ELF5: variants seen among roughly 807,000 people sequenced by gnomAD.
ELF5 encodes the protein ETS-related transcription factor Elf-5.
A neutral mutation model predicts 38.2 loss-of-function variants in ELF5; 31 were observed. The ratio of observed to expected loss-of-function variants is 0.81; its 90% CI spans 0.61 to 1.10. ELF5 has a LOEUF of 1.10. Ranked by LOEUF, ELF5 falls within the 50% of genes least tolerant of loss-of-function variation. The probability of loss-of-function intolerance (pLI) is 0.00; values close to 1 mark genes in which losing one functional copy is unlikely to be tolerated. For synonymous variants in ELF5, 121 were observed against 112.5 expected (o/e 1.08, Z -0.48); for missense variants, 300 against 306.6 (o/e 0.98, Z 0.16).
intron 2 of ELF5, among the ~76,000 whole-genome samples, chr11:34,505,105 C>T (rs1398813808): frequency 6.6e-6 from 1 of 151,948 alleles, no homozygotes; most frequent in Non-Finnish European, 1.5e-5. Context: ...ACTGTGAGGC[C>T]CAGGGCAAGT....
chr11:34,482,691 T>G (rs1225162344), intron 4 of ELF5, among the ~76,000 whole-genome samples, 192 bp from the exon 5 acceptor site: 1 of 152,190 alleles, frequency 6.6e-6, no homozygotes, highest in Non-Finnish European at 1.5e-5. Flanking sequence ...GCACTTGTAT[T>G]CAATCTCACC....
chr11:34,496,901 C>G (rs1036369709), intron 2 of ELF5, among the ~76,000 whole-genome samples: 2 of 152,216 alleles, frequency 1.3e-5, no homozygotes, highest in Non-Finnish European at 2.9e-5. Context: ...CCTCTTACCA[C>G]GCCCCACTCT....
chr11:34,505,715 G>C lies in ELF5; in HGVS notation c.35C>G (p.Pro12Arg), dbSNP rs765374106. ...LDSVTHSTFLPNASFCDPLMS... is the reference protein window; with the variant it reads ...LDSVTHSTFLRNASFCDPLMS... ...CAGGGGATCGCAGAAGGATGCATTA[G>C]GCAGGAAGGTGCTGTGTGTCACCGA... The change falls in exon 2 of 7, where the codon CCT becomes CGT. Residue 12 changes from proline (P) to arginine (R), a missense_variant. Physicochemically the swap from Pro to Arg is moderately radical, Grantham distance 103. Coordinates refer to ENST00000257832, the MANE Select transcript of ELF5 (RefSeq NM_001422.4). 7 of 1,613,992 alleles carry C rather than the reference G, an allele frequency of 4.3e-6. No homozygotes were observed. In the East Asian group the frequency reaches 1.6e-4, roughly 36 times the overall value.
intron 1 of ELF5, among the ~76,000 whole-genome samples, chr11:34,508,518 A>T (rs1332631527): frequency 2.7e-5 from 4 of 148,876 alleles, no homozygotes; most frequent in Admixed American, 2.0e-4. Context: ...AAAATAAAAA[A>T]TAAAAAATAA....
chr11:34,499,252 G>GT (rs928504060), intron 2 of ELF5, among the ~76,000 whole-genome samples: 8 of 151,884 alleles, frequency 5.3e-5, no homozygotes, highest in African/African-American at 1.9e-4. Flanking sequence ...TTGATTTTTG[G>GT]TTTTTTTGAG....
At chr11:34,496,169 G>A (rs1850313848) in intron 2 of ELF5, among the ~76,000 whole-genome samples, 1 of 152,366 alleles carries the variant, frequency 6.6e-6, no homozygotes, top group African/African-American at 2.4e-5. Context: ...ACGCCCAGGC[G>A]GGGAGTCGGC....
At chr11:34,510,947 A>G (rs3824896) in intron 1 of ELF5, among the ~76,000 whole-genome samples, 41,788 of 152,034 alleles carry the variant, frequency 0.27, 6,504 homozygotes, top group Non-Finnish European at 0.36. Context: ...TTTGTGAGGG[A>G]CTAGCTGGCT....
rs940775831 is a variant in ELF5 at position 34,490,043 on chromosome 11, A to G, written c.372T>C (p.Asn124=). The change falls in exon 4 of 7, where the codon AAT becomes AAC. Residue 124 remains asparagine (N), a synonymous_variant. Transcript: ENST00000257832. ...TGGTGGCCTTGCTTTCTTCAGCGTC[A>G]TTAAAAAAGGAGTAACCTGGGAAAG... ...NIRTQGYSFF[N]DAEESKATIK... The G allele has an allele frequency of 3.7e-6, 6 of 1,614,036 alleles. No individual in the cohort carries two copies. The African/African-American group carries it at 6.7e-5, about 18-fold the overall frequency.
intron 2 of ELF5, among the ~76,000 whole-genome samples, chr11:34,504,599 T>G (rs1218772749): frequency 6.6e-6 from 1 of 152,236 alleles, no homozygotes; most frequent in African/African-American, 2.4e-5. Flanking sequence ...CTCCGGACAC[T>G]GAGTCTGGAC....
chr11:34,493,339 G>T, intron 3 of ELF5, 140 bp downstream of exon 3: 1 of 799,970 alleles, frequency 1.3e-6, no homozygotes, highest in Non-Finnish European at 2.1e-6. Context: ...CTAGCTTCCA[G>T]TTATTGAAGG....
rs199968646 is a variant in ELF5, at chr11:34,505,698, C to T, written c.52G>A (p.Asp18Asn). 4.0e-4 allele frequency: 652 copies of T among 1,613,934 alleles called. No individual in the cohort carries two copies. Among genetic ancestry groups the T allele is most frequent in the Non-Finnish European group, 5.0e-4 (586 of 1,179,992 alleles). ...AGATCAGTCCACGACATCAGGGGAT[C>T]GCAGAAGGATGCATTAGGCAGGAAG... ...STFLPNASFCDPLMSWTDLFS... is the reference protein window; with the variant it reads ...STFLPNASFCNPLMSWTDLFS... The change falls in exon 2 of 7, where the codon GAT (aspartate) becomes AAT (asparagine). Residue 18 changes from aspartate to asparagine, a missense_variant. Transcript: ENST00000257832.
At chr11:34,493,800 C>T (rs1300390764) in intron 2 of ELF5, 88 bp from the exon 3 acceptor site, 1 of 1,136,680 alleles carries the variant, frequency 8.8e-7, no homozygotes, top group African/African-American at 1.5e-5. Flanking sequence ...TAAGTAACAT[C>T]CTCATTCCTC....
chr11:34,492,577 T>A (rs1044481423), intron 3 of ELF5: 4 of 152,370 alleles, frequency 2.6e-5, no homozygotes, highest in Admixed American at 2.6e-4. Context: ...CTCTTGATTA[T>A]ATTAATGATG....
intron 2 of ELF5, among the ~76,000 whole-genome samples, chr11:34,501,624 T>G (rs1387585609): frequency 6.6e-6 from 1 of 152,074 alleles, no homozygotes; most frequent in Non-Finnish European, 1.5e-5. Flanking sequence ...CCAGTAGTCA[T>G]CGTTCTTTAC....
intron 1 of ELF5, among the ~76,000 whole-genome samples, chr11:34,506,712 C>T (rs1008889883): frequency 6.6e-6 from 1 of 152,046 alleles, no homozygotes; most frequent in Non-Finnish European, 1.5e-5. Context: ...TGGAGTTTCA[C>T]CATGTTGGCC....
At chr11:34,493,801 C>A in intron 2 of ELF5, 89 bp from the exon 3 acceptor site, 1 of 1,136,730 alleles carries the variant, frequency 8.8e-7, no homozygotes, top group South Asian at 1.4e-5. Flanking sequence ...AAGTAACATC[C>A]TCATTCCTCA....
At position 34,505,699 on chromosome 11, in the gene ELF5, G is replaced by A. The variant is rs545505897; in HGVS notation, c.51C>T (p.Cys17=). ...GATCAGTCCACGACATCAGGGGATCGCAGAAGGATGCATTAGGCAGGAAGG... is the reference window on the plus strand; with the variant it reads ...GATCAGTCCACGACATCAGGGGATCACAGAAGGATGCATTAGGCAGGAAGG... The part of the protein sequence containing the change: ...HSTFLPNASF[C]DPLMSWTDLF... Residue 17 remains cysteine (C), a synonymous_variant, in exon 2 of 7, where the codon TGC becomes TGT. Transcript: ENST00000257832. 2.5e-5 allele frequency: 40 copies of A among 1,614,060 alleles called. No individual in the cohort carries two copies. The African/African-American group carries it at 2.5e-4, about 10-fold the overall frequency.
At chr11:34,489,684 C>T (rs534916862) in intron 4 of ELF5, among the ~76,000 whole-genome samples, 4 of 150,872 alleles carry the variant, frequency 2.7e-5, no homozygotes, top group Admixed American at 2.6e-4. Flanking sequence ...GGTTTGGGAG[C>T]ATCTACACTG....
intron 2 of ELF5, among the ~76,000 whole-genome samples, chr11:34,493,985 A>AT (rs969441952): frequency 5.9e-5 from 9 of 152,186 alleles, no homozygotes; most frequent in Admixed American, 5.9e-4. Flanking sequence ...AAAAAAAGGC[A>AT]TTTAGTGGAG....
Sources: gnomAD v4.1 joint callset for allele counts (sites outside exome capture counted in the v4.1 genomes callset) on GRCh38, gnomAD v4.1.1 for gene constraint, MANE v1.5 for transcripts, NCBI Gene and HGNC (gene_info 2026-07-23, HGNC 2026-07-21) for gene names.